The following NUDT6 variants were observed in gnomAD, a reference collection of about 807,000 sequenced individuals.
NUDT6 encodes nudix hydrolase 6.
Under a neutral mutation model 36.8 loss-of-function variants are expected in NUDT6, and 24 were observed. The ratio of observed to expected loss-of-function variants is 0.65; its 90% CI spans 0.47 to 0.92. The LOEUF (loss-of-function observed/expected upper bound fraction) is 0.92. Ranked by LOEUF, NUDT6 falls within the 40% of genes least tolerant of loss-of-function variation. The pLI is 0.00. For missense variants in NUDT6, 388 were observed against 392.8 expected (o/e 0.99, Z 0.10); for synonymous variants, 163 against 157.0 (o/e 1.04, Z -0.29).
At chr4:122,893,819 C>A (rs1727264387) in intron 4 of NUDT6, 1 of 152,208 alleles carries the variant, frequency 6.6e-6, no homozygotes, top group Admixed American at 6.5e-5. Context: ...GTCCCTCTAA[C>A]TGGGCTTTCT....
At chr4:122,897,944 A>C (rs1727415151) in intron 3 of NUDT6, 1 of 357,974 alleles carries the variant, frequency 2.8e-6, no homozygotes, top group Non-Finnish European at 5.0e-6. Context: ...TTCTGTATGA[A>C]TGAAACATTG....
chr4:122,896,693 C>A (rs565514636), intron 4 of NUDT6: 1 of 151,988 alleles, frequency 6.6e-6, no homozygotes, highest in Admixed American at 6.6e-5. Context: ...TGGATTGTTA[C>A]GAGTTGGCTA....
chr4:122,908,717 T>C (rs1423613972), intron 3 of NUDT6, among the ~76,000 whole-genome samples: 18 of 152,214 alleles, frequency 1.2e-4, no homozygotes, highest in African/African-American at 4.1e-4. Context: ...AGTCTGACTT[T>C]TCCATTAACA....
chr4:122,912,887 C>T (rs112984678), intron 2 of NUDT6, among the ~76,000 whole-genome samples: 6,764 of 152,252 alleles, frequency 0.044, 489 homozygotes, highest in African/African-American at 0.15. Context: ...GTTTCATATA[C>T]ACCTTATACT....
upstream of NUDT6, chr4:122,922,954 G>A: frequency 1.5e-6 from 1 of 669,542 alleles, no homozygotes; most frequent in East Asian, 2.6e-5. Flanking sequence ...CGTTACAGCT[G>A]TTTCAAAGAC....
chr4:122,898,543 G>C (rs1159939292), intron 3 of NUDT6, among the ~76,000 whole-genome samples: 1 of 152,030 alleles, frequency 6.6e-6, no homozygotes, highest in Non-Finnish European at 1.5e-5. Flanking sequence ...TTACTGGTTT[G>C]CTTTGTGACA....
chr4:122,922,605 T>A (rs778620547), upstream of NUDT6: 51 of 1,552,958 alleles, frequency 3.3e-5, no homozygotes, highest in Middle Eastern at 2.0e-4. Flanking sequence ...GTTGCCCAAA[T>A]GACCCCTCCG....
At chr4:122,900,054 G>GCCCCC (rs1159974688) in intron 3 of NUDT6, among the ~76,000 whole-genome samples, 2 of 84,190 alleles carry the variant, frequency 2.4e-5, no homozygotes, top group African/African-American at 4.8e-5. Flanking sequence ...ATGCACCCCC[G>GCCCCC]CCACCCCCCC....
chr4:122,899,449 C>T lies in NUDT6; in HGVS notation c.499-1771G>A, dbSNP rs979238982. ...GTAAGTATTTTGTGACATTTTATGG[C>T]ACCACTTAGGTTTTTAAAATGCTTA... On this transcript the variant is annotated intron_variant, in intron 3 of 4. Coordinates refer to ENST00000304430, the MANE Select transcript of NUDT6 (RefSeq NM_007083.5). 2.6e-5 allele frequency among the ~76,000 whole-genome samples: 4 copies of T among 151,984 alleles called. No homozygotes were observed. The South Asian group carries it at 6.2e-4, about 24-fold the overall frequency.
intron 3 of NUDT6, 107 bp from the exon 4 acceptor site, chr4:122,897,785 T>G (rs1560766082): frequency 6.4e-6 from 5 of 783,474 alleles, no homozygotes; most frequent in Non-Finnish European, 8.5e-6. Flanking sequence ...TGAGAATATA[T>G]TTTTTAGTAA....
intron 2 of NUDT6, among the ~76,000 whole-genome samples, chr4:122,916,616 A>C (rs1458035965): frequency 1.3e-5 from 2 of 152,216 alleles, no homozygotes; most frequent in Non-Finnish European, 2.9e-5. Context: ...TATCCTTTGG[A>C]AAACTAAACA....
chr4:122,908,164 C>T (rs760014102), intron 3 of NUDT6, among the ~76,000 whole-genome samples: 3 of 151,990 alleles, frequency 2.0e-5, no homozygotes, highest in Non-Finnish European at 2.9e-5. Context: ...TTGGACACAC[C>T]GCATTATACC....
chr4:122,915,127 G>C (rs1727802647), intron 2 of NUDT6, among the ~76,000 whole-genome samples: 1 of 152,126 alleles, frequency 6.6e-6, no homozygotes, highest in Non-Finnish European at 1.5e-5. Context: ...GGAGCCAGTA[G>C]ATGTCAAGGC....
chr4:122,905,007 A>G (rs1727591392), intron 3 of NUDT6, among the ~76,000 whole-genome samples: 1 of 152,154 alleles, frequency 6.6e-6, no homozygotes, highest in Non-Finnish European at 1.5e-5. Context: ...TACTATGAAG[A>G]GCCAAAGAAC....
chr4:122,902,896 C>A (rs536342753), intron 3 of NUDT6, among the ~76,000 whole-genome samples: 1 of 152,126 alleles, frequency 6.6e-6, no homozygotes, highest in South Asian at 2.1e-4. Context: ...AAACACTTGA[C>A]ATTAATGCCT....
At chr4:122,905,268 C>G (rs928168054) in intron 3 of NUDT6, among the ~76,000 whole-genome samples, 4 of 152,106 alleles carry the variant, frequency 2.6e-5, no homozygotes, top group Admixed American at 2.6e-4. Flanking sequence ...TAGTGTGAAG[C>G]ACAGGTTAAA....
chr4:122,902,731 C>T (rs1412386701), intron 3 of NUDT6, among the ~76,000 whole-genome samples: 1 of 152,244 alleles, frequency 6.6e-6, no homozygotes, highest in Non-Finnish European at 1.5e-5. Flanking sequence ...GGGTTTAAGT[C>T]ACTGTTAGGT....
intron 3 of NUDT6, among the ~76,000 whole-genome samples, chr4:122,908,884 A>T (rs560464525): frequency 7.2e-5 from 11 of 152,230 alleles, no homozygotes; most frequent in Non-Finnish European, 1.3e-4. Flanking sequence ...TGAAAAGTTC[A>T]GCCATCTCAG....
chr4:122,899,726 A>AT (rs1259074770), intron 3 of NUDT6, among the ~76,000 whole-genome samples: 9 of 152,236 alleles, frequency 5.9e-5, no homozygotes, highest in African/African-American at 1.9e-4. Flanking sequence ...GGAGACTGAG[A>AT]TGGGAAGATC....
Sources: allele counts gnomAD v4.1 joint callset (sites outside exome capture counted in the v4.1 genomes callset), GRCh38; gene constraint gnomAD v4.1.1; transcripts MANE v1.5; gene names NCBI Gene and HGNC (gene_info 2026-07-23, HGNC 2026-07-21).